Variants in TAFA2 observed in about 807,000 individuals in gnomAD.
The protein encoded by TAFA2 is TAFA chemokine like family member 2, also known as chemokine-like protein TAFA-2.
A neutral mutation model predicts 18.8 loss-of-function variants in TAFA2; 7 were observed. The ratio of observed to expected loss-of-function variants is 0.37; its 90% CI spans 0.21 to 0.70. The LOEUF (loss-of-function observed/expected upper bound fraction) is 0.70. Ranked by LOEUF, TAFA2 falls within the 30% of genes least tolerant of loss-of-function variation. The pLI is 0.53. For synonymous variants in TAFA2, 60 were observed against 54.2 expected, an observed-to-expected ratio of 1.11 and a Z score of -0.47; for missense variants, 122 against 158.1, an observed-to-expected ratio of 0.77 and a Z score of 1.23.
intron 1 of TAFA2, among the ~76,000 whole-genome samples, chr12:61,967,342 G>C (rs559457901): frequency 4.0e-5 from 6 of 151,870 alleles, no homozygotes; most frequent in Non-Finnish European, 7.4e-5. Flanking sequence ...AATCATCCTG[G>C]TTCCAAAGAG....
intron 1 of TAFA2, among the ~76,000 whole-genome samples, chr12:61,964,391 T>A (rs766359174): frequency 5.9e-5 from 9 of 151,886 alleles, no homozygotes; most frequent in Non-Finnish European, 1.2e-4. Flanking sequence ...GTCTCCTGAA[T>A]TATCTTCCTT....
chr12:62,038,731 T>A (rs1565724786), intron 1 of TAFA2, among the ~76,000 whole-genome samples: 2 of 152,194 alleles, frequency 1.3e-5, no homozygotes, highest in Non-Finnish European at 2.9e-5. Context: ...TCACTTCATT[T>A]GATCACTTAA....
intron 1 of TAFA2, among the ~76,000 whole-genome samples, chr12:62,101,547 AG>A (rs1370018057): frequency 6.6e-6 from 1 of 152,216 alleles, no homozygotes. Flanking sequence ...GAGTTCAAGC[AG>A]GTTCCAAGGC....
At chr12:62,030,550 C>A (rs1044452977) in intron 1 of TAFA2, among the ~76,000 whole-genome samples, 2 of 152,050 alleles carry the variant, frequency 1.3e-5, no homozygotes, top group African/African-American at 4.8e-5. Flanking sequence ...TACTCCCAAG[C>A]CTAGTGGTAT....
intron 1 of TAFA2, among the ~76,000 whole-genome samples, chr12:61,957,963 C>T (rs931566725): frequency 6.6e-6 from 1 of 152,046 alleles, no homozygotes; most frequent in African/African-American, 2.4e-5. Flanking sequence ...ATTGACACAA[C>T]CTTTACTCTT....
At chr12:62,164,051 G>A (rs1002419493) in intron 1 of TAFA2, among the ~76,000 whole-genome samples, 3 of 152,092 alleles carry the variant, frequency 2.0e-5, no homozygotes, top group African/African-American at 7.2e-5. Flanking sequence ...GTTATGAATA[G>A]TCTTGTTTCA....
chr12:61,799,520 T>C (rs1406898589), intron 2 of TAFA2, among the ~76,000 whole-genome samples: 4 of 152,072 alleles, frequency 2.6e-5, no homozygotes, highest in Non-Finnish European at 5.9e-5. Context: ...TATTCATATA[T>C]ACATTTAAAG....
At chr12:62,242,037 A>G (rs1173668217) in intron 1 of TAFA2, among the ~76,000 whole-genome samples, 2 of 152,240 alleles carry the variant, frequency 1.3e-5, no homozygotes, top group African/African-American at 4.8e-5. Context: ...AGAGAGAAGA[A>G]AAAAGGAAAA....
At chr12:62,221,922 A>G (rs1592407652) in intron 1 of TAFA2, among the ~76,000 whole-genome samples, 1 of 152,214 alleles carries the variant, frequency 6.6e-6, no homozygotes, top group East Asian at 1.9e-4. Context: ...TATTTTTAAC[A>G]CGCAACTACA....
At chr12:61,720,761 C>A in intron 4 of TAFA2, 1 of 384,342 alleles carries the variant, frequency 2.6e-6, no homozygotes, top group South Asian at 2.0e-5. Context: ...AAACTTCTGT[C>A]CCTTCCTTAG....
chr12:62,120,443 T>C (rs189511542), intron 1 of TAFA2, among the ~76,000 whole-genome samples: 2 of 152,288 alleles, frequency 1.3e-5, no homozygotes, highest in East Asian at 3.9e-4. Context: ...TTAAACAACA[T>C]CCATTTCCAG....
chr12:61,934,560 T>C (rs1262331938), intron 1 of TAFA2, among the ~76,000 whole-genome samples: 1 of 152,240 alleles, frequency 6.6e-6, no homozygotes, highest in Non-Finnish European at 1.5e-5. Context: ...ATTTAAAAAC[T>C]CTGGGACCAT....
chr12:62,015,959 G>A (rs1880923486), intron 1 of TAFA2, among the ~76,000 whole-genome samples: 1 of 152,204 alleles, frequency 6.6e-6, no homozygotes, highest in Admixed American at 6.5e-5. Context: ...AAGTTTTGGA[G>A]ATGGATGATG....
intron 1 of TAFA2, among the ~76,000 whole-genome samples, chr12:61,919,489 G>A (rs1237607379): frequency 6.6e-6 from 1 of 152,038 alleles, no homozygotes; most frequent in East Asian, 1.9e-4. Flanking sequence ...AGTCAATTTA[G>A]GTAAAATACA....
At chr12:61,837,972 T>C (rs765278275) in intron 2 of TAFA2, among the ~76,000 whole-genome samples, 2 of 152,008 alleles carry the variant, frequency 1.3e-5, no homozygotes, top group South Asian at 4.1e-4. Flanking sequence ...GAAAATTCTA[T>C]GCTGCCACAT....
intron 1 of TAFA2, among the ~76,000 whole-genome samples, chr12:62,081,393 A>G (rs1868320621): frequency 2.5e-5 from 1 of 40,080 alleles, no homozygotes. Context: ...CTGAGAAAGA[A>G]TAAATATTTT....
At chr12:61,836,297 G>A (rs1471015433) in intron 2 of TAFA2, among the ~76,000 whole-genome samples, 1 of 151,896 alleles carries the variant, frequency 6.6e-6, no homozygotes, top group Non-Finnish European at 1.5e-5. Context: ...AGTTAGATGT[G>A]AGTGAAAAAA....
chr12:62,191,523 G>C lies in TAFA2; in HGVS notation c.-266C>G, dbSNP rs1481551700. ...GACGGTTCAGGAATCTGACATCCAA[G>C]CTGGAATCCCCCTGAAGCGGGTGAA... On this transcript the variant is annotated 5_prime_UTR_variant, in exon 1 of 5. Coordinates refer to ENST00000416284, the MANE Select transcript of TAFA2 (RefSeq NM_178539.5). 6.6e-6 allele frequency: 1 copy of C among 152,328 alleles called. No individual in the cohort carries two copies. Among genetic ancestry groups the C allele is most frequent in the Non-Finnish European group, 1.5e-5 (1 of 68,130 alleles). 9.4% of individuals were successfully genotyped at this position (152,328 alleles called of 1,614,324 possible).
At chr12:62,115,616 T>C (rs1334879331) in intron 1 of TAFA2, among the ~76,000 whole-genome samples, 1 of 152,220 alleles carries the variant, frequency 6.6e-6, no homozygotes, top group Non-Finnish European at 1.5e-5. Context: ...CATTTAAAGA[T>C]GTATCCCCTC....
Sources: allele counts gnomAD v4.1 joint callset (sites outside exome capture counted in the v4.1 genomes callset), GRCh38; gene constraint gnomAD v4.1.1; transcripts MANE v1.5; gene names NCBI Gene and HGNC (gene_info 2026-07-23, HGNC 2026-07-21).